Variants in KAT2B observed in about 807,000 individuals in gnomAD.
KAT2B encodes histone acetyltransferase KAT2B.
In KAT2B, 36 loss-of-function variants were observed where a neutral mutation model predicts 105.9. The ratio of observed to expected loss-of-function variants is 0.34; its 90% CI spans 0.26 to 0.45. KAT2B has a LOEUF of 0.45. KAT2B is among the 20% of genes least tolerant of loss of function. KAT2B has a pLI of 1.00. For synonymous variants in KAT2B, 397 were observed against 377.9 expected (o/e 1.05, Z -0.59); for missense variants, 820 against 1,021.6 (o/e 0.80, Z 2.69).
chr3:20,085,262 A>G (rs1260110323), intron 2 of KAT2B, among the ~76,000 whole-genome samples: 1 of 152,202 alleles, frequency 6.6e-6, no homozygotes, highest in Non-Finnish European at 1.5e-5. Flanking sequence ...TAACTGACAT[A>G]AAAATGTTGA....
chr3:20,059,154 T>TGTAA (rs1483173600), intron 1 of KAT2B, among the ~76,000 whole-genome samples: 2 of 152,158 alleles, frequency 1.3e-5, no homozygotes, highest in Non-Finnish European at 2.9e-5. Flanking sequence ...GGCTCACACC[T>TGTAA]GTAATCCCAG....
chr3:20,053,491 T>C (rs1697950760), intron 1 of KAT2B, among the ~76,000 whole-genome samples: 1 of 152,218 alleles, frequency 6.6e-6, no homozygotes, highest in Non-Finnish European at 1.5e-5. Flanking sequence ...GCCGTGAGTG[T>C]GCTGCTGCAC....
At position 20,146,343 on chromosome 3, in the gene KAT2B, CA is replaced by C; in HGVS notation, c.2033del (p.Gln678ArgfsTer23). 8 of 1,610,558 alleles carry C rather than the reference CA, an allele frequency of 5.0e-6. No homozygotes were observed. Among genetic ancestry groups the C allele is most frequent in the Non-Finnish European group, 6.8e-6 (8 of 1,177,024 alleles). On this transcript the variant is annotated frameshift_variant, in exon 14 of 18. Coordinates refer to ENST00000263754, the MANE Select transcript of KAT2B (RefSeq NM_003884.5). LOFTEE classifies it high-confidence loss of function. The part of the protein sequence containing the change: ...EIIKKLIERK[Q>X]AQIRKVYPGL... ...AATTAAAAAACTGATTGAAAGAAAA[CA>C]GGCACAAATTCGAAAAGTTTACCCT...
chr3:20,083,884 T>G (rs562016528), intron 2 of KAT2B, among the ~76,000 whole-genome samples: 44 of 152,068 alleles, frequency 2.9e-4, no homozygotes, highest in Non-Finnish European at 6.0e-4. Flanking sequence ...GTTCAGTCTT[T>G]GAGTCATTTT....
chr3:20,052,679 A>G (rs912065949), intron 1 of KAT2B, among the ~76,000 whole-genome samples: 17 of 149,920 alleles, frequency 1.1e-4, no homozygotes, highest in African/African-American at 3.9e-4. Context: ...AAAAAGAGAG[A>G]AAAAGAGGCC....
At chr3:20,090,272 G>T (rs902431332) in intron 2 of KAT2B, among the ~76,000 whole-genome samples, 3 of 152,138 alleles carry the variant, frequency 2.0e-5, no homozygotes, top group Admixed American at 2.0e-4. Flanking sequence ...TATTTTTCTT[G>T]TTCTTAATCT....
intron 1 of KAT2B, among the ~76,000 whole-genome samples, chr3:20,063,348 G>A (rs976093986): frequency 6.6e-6 from 1 of 150,926 alleles, no homozygotes. Context: ...CTGGCCGCCT[G>A]TGCTTTTGGT....
Position 20,108,802 on chromosome 3 carries a change from G to A in KAT2B, c.852-2794G>A, listed in dbSNP as rs187107183. Among the ~76,000 whole-genome samples the A allele has an allele frequency of 2.8e-3, 425 of 152,326 alleles. 2 individuals carry two copies. The highest frequency in any genetic ancestry group is 2.2e-3 in the Non-Finnish European group (153 of 68,038). On this transcript the variant is annotated intron_variant, in intron 5 of 17. Transcript: ENST00000263754. ...TCCACCTCCTGTCAGATCAGTGGTG[G>A]CATTAGATTCTCATAGGAGCCTGAA...
intron 5 of KAT2B, among the ~76,000 whole-genome samples, chr3:20,107,682 C>CAA (rs1216574528): frequency 6.9e-6 from 1 of 145,756 alleles, no homozygotes; most frequent in East Asian, 2.0e-4. Context: ...ACCACAAAAA[C>CAA]AAAAAACCCA....
intron 7 of KAT2B, among the ~76,000 whole-genome samples, chr3:20,118,270 T>C (rs1699240995): frequency 6.8e-6 from 1 of 146,316 alleles, no homozygotes; most frequent in Admixed American, 6.9e-5. Context: ...TGTAAATATA[T>C]TATTTATATA....
At chr3:20,048,243 C>T (rs1654152166) in intron 1 of KAT2B, among the ~76,000 whole-genome samples, 1 of 152,126 alleles carries the variant, frequency 6.6e-6, no homozygotes, top group South Asian at 2.1e-4. Flanking sequence ...AATTCTGTAT[C>T]CTCAGAAATT....
At chr3:20,123,508 CAG>C (rs531036399) in intron 9 of KAT2B, among the ~76,000 whole-genome samples, 147 of 152,250 alleles carry the variant, frequency 9.7e-4, no homozygotes, top group Middle Eastern at 3.4e-3. Context: ...ATAATTGAGA[CAG>C]GGAATGTGTG....
intron 1 of KAT2B, among the ~76,000 whole-genome samples, chr3:20,052,097 C>T (rs1697925166): frequency 6.6e-6 from 1 of 152,204 alleles, no homozygotes; most frequent in South Asian, 2.1e-4. Context: ...GCTTTGCACA[C>T]TTTTCTCTGC....
chr3:20,092,498 G>A (rs1213856515), intron 2 of KAT2B, among the ~76,000 whole-genome samples: 1 of 151,710 alleles, frequency 6.6e-6, no homozygotes, highest in Non-Finnish European at 1.5e-5. Flanking sequence ...CTAAAGTGCT[G>A]GGATTACAGG....
At chr3:20,086,611 C>A (rs1036757933) in intron 2 of KAT2B, among the ~76,000 whole-genome samples, 2 of 152,066 alleles carry the variant, frequency 1.3e-5, no homozygotes, top group Non-Finnish European at 2.9e-5. Flanking sequence ...GACACTGCCC[C>A]ACCCCACAAA....
chr3:20,064,325 A>G (rs182250919), intron 1 of KAT2B, among the ~76,000 whole-genome samples: 5 of 152,306 alleles, frequency 3.3e-5, no homozygotes, highest in African/African-American at 4.8e-5. Context: ...CATCACCTCA[A>G]TCACTTGTCA....
chr3:20,056,330 G>T (rs1270598959), intron 1 of KAT2B, among the ~76,000 whole-genome samples: 1 of 152,178 alleles, frequency 6.6e-6, no homozygotes, highest in Non-Finnish European at 1.5e-5. Flanking sequence ...CAGGTTTTTG[G>T]CCTGAGCAAC....
chr3:20,076,734 T>A (rs1020673227), intron 2 of KAT2B, among the ~76,000 whole-genome samples: 1 of 152,182 alleles, frequency 6.6e-6, no homozygotes, highest in Non-Finnish European at 1.5e-5. Flanking sequence ...CATGCAGATA[T>A]CTTCTTAATT....
intron 13 of KAT2B, among the ~76,000 whole-genome samples, chr3:20,140,865 A>G (rs373699666): frequency 6.6e-6 from 1 of 152,046 alleles, no homozygotes; most frequent in South Asian, 2.1e-4. Flanking sequence ...ATTACTTTTT[A>G]AATTTGTGTA....
Sources: gnomAD v4.1 joint callset for allele counts (sites outside exome capture counted in the v4.1 genomes callset) on GRCh38, gnomAD v4.1.1 for gene constraint, MANE v1.5 for transcripts, NCBI Gene and HGNC (gene_info 2026-07-23, HGNC 2026-07-21) for gene names.